Variants in PGAP2 observed in about 807,000 individuals in gnomAD.
PGAP2 encodes the protein post-GPI attachment to proteins 2, also known as acyltransferase PGAP2.
A neutral mutation model predicts 33.2 loss-of-function variants in PGAP2; 21 were observed. That is an observed-to-expected ratio of 0.63 (90% confidence interval 0.45 to 0.91). The LOEUF is 0.91. Ranked by LOEUF, PGAP2 falls within the 40% of genes least tolerant of loss-of-function variation. The pLI, the probability that PGAP2 is intolerant of heterozygous loss-of-function variation, is 0.00. For synonymous variants in PGAP2, 161 were observed against 172.9 expected (o/e 0.93, Z 0.54); for missense variants, 345 against 424.0 (o/e 0.81, Z 1.64).
chr11:3,824,113 T>A lies in PGAP2; in HGVS notation c.579T>A (p.Tyr193Ter). ...ACCTCGCGTTGCTAGTGCTCACTTATGTCTCCTCCTCCGAGGACTTCAGTG... is the reference window on the plus strand; with the variant it reads ...ACCTCGCGTTGCTAGTGCTCACTTAAGTCTCCTCCTCCGAGGACTTCAGTG... ...VENLALLVLT[Y>*]VSSSEDFTIH... The change falls in exon 4 of 7, where the codon TAT becomes TAA. Residue 193 changes from tyrosine (Y) to a stop codon, truncating the protein, a stop_gained. Coordinates refer to ENST00000278243, the MANE Select transcript of PGAP2 (RefSeq NM_014489.4). LOFTEE classifies it high-confidence loss of function. 1 of 1,614,172 alleles carries A rather than the reference T, an allele frequency of 6.2e-7. No homozygotes were observed. The highest frequency in any genetic ancestry group is 8.5e-7 in the Non-Finnish European group (1 of 1,180,016).
chr11:3,817,898 T>G, intron 3 of PGAP2: 1 of 464,372 alleles, frequency 2.2e-6, no homozygotes, highest in South Asian at 1.6e-5. Flanking sequence ...GCAAAAAAAT[T>G]AGCTGGGTGC....
upstream of PGAP2, among the ~76,000 whole-genome samples, chr11:3,803,798 T>TATA (rs34013945): frequency 0.012 from 409 of 35,150 alleles, 2 homozygotes; most frequent in African/African-American, 0.019. Context: ...TATATATATA[T>TATA]TTTTTTTTTT....
At chr11:3,799,282 A>C (rs2083108336) in intron 1 of PGAP2, among the ~76,000 whole-genome samples, 1 of 152,216 alleles carries the variant, frequency 6.6e-6, no homozygotes, top group African/African-American at 2.4e-5. Context: ...TCATGCCTGT[A>C]ATCCCAGCAC....
chr11:3,808,407 A>C (rs2084833725), upstream of PGAP2: 2 of 1,547,170 alleles, frequency 1.3e-6, no homozygotes, highest in African/African-American at 1.4e-5. Context: ...TAGTGGGGGC[A>C]GACCCGGGCT....
chr11:3,800,593 C>T (rs898739564), intron 1 of PGAP2, among the ~76,000 whole-genome samples: 3 of 151,848 alleles, frequency 2.0e-5, no homozygotes, highest in East Asian at 1.9e-4. Context: ...GGGCGGATCA[C>T]GAGGTCAGGA....
At chr11:3,800,678 G>A (rs1564966681) in intron 1 of PGAP2, among the ~76,000 whole-genome samples, 1 of 152,030 alleles carries the variant, frequency 6.6e-6, no homozygotes, top group East Asian at 1.9e-4. Flanking sequence ...CGGGCGTGGT[G>A]GCACATACCT....
chr11:3,815,074 A>C (rs181332344), intron 2 of PGAP2, among the ~76,000 whole-genome samples: 1 of 151,544 alleles, frequency 6.6e-6, no homozygotes, highest in East Asian at 2.0e-4. Flanking sequence ...AGTAGCTGAG[A>C]TTACAGGCAT....
At chr11:3,817,824 A>G (rs1377046729) in intron 3 of PGAP2, 9 of 561,362 alleles carry the variant, frequency 1.6e-5, no homozygotes, top group Admixed American at 1.1e-4. Flanking sequence ...AAGCCAGTGG[A>G]TCACTCGAGT....
At chr11:3,813,386 T>TA (rs150883229) in intron 2 of PGAP2, among the ~76,000 whole-genome samples, 28 of 149,760 alleles carry the variant, frequency 1.9e-4, no homozygotes, top group African/African-American at 4.7e-4. Flanking sequence ...CCAGCTTAAT[T>TA]AAAAAAAAAA....
intron 2 of PGAP2, among the ~76,000 whole-genome samples, chr11:3,814,537 G>A (rs149486789): frequency 0.13 from 19,065 of 151,932 alleles, 1,344 homozygotes; most frequent in Middle Eastern, 0.18. Flanking sequence ...GATTAAAGGC[G>A]TGAGCCACCA....
chr11:3,806,467 G>A (rs2084363972), upstream of PGAP2, among the ~76,000 whole-genome samples: 1 of 152,200 alleles, frequency 6.6e-6, no homozygotes, highest in Admixed American at 6.5e-5. Flanking sequence ...GCCCCTCAGA[G>A]TGCGTCTGAG....
At chr11:3,797,782 C>T, upstream of PGAP2, 3 of 1,538,580 alleles carry the variant, frequency 1.9e-6, no homozygotes, top group Non-Finnish European at 1.8e-6. Context: ...CCGCCCCTCG[C>T]CGCCGCGGTT....
intron 3 of PGAP2, among the ~76,000 whole-genome samples, chr11:3,822,586 A>G (rs569003723): frequency 1.6e-4 from 24 of 152,170 alleles, no homozygotes; most frequent in African/African-American, 5.5e-4. Context: ...GTGAGTCATG[A>G]TCATGCTATT....
chr11:3,811,041 C>G lies in PGAP2; in HGVS notation c.-10-209C>G, dbSNP rs1363703130. Reference sequence around the variant, plus strand: ...GCACAGATTTGGTTCATTGTCTTCCCTCTGAAATTGAGGTGGAATGTTGTC... The same window carrying G: ...GCACAGATTTGGTTCATTGTCTTCCGTCTGAAATTGAGGTGGAATGTTGTC... On this transcript the variant is annotated intron_variant, in intron 1 of 6. Coordinates refer to ENST00000278243, the MANE Select transcript of PGAP2 (RefSeq NM_014489.4). This position sits in a 1 kb window ranked among gnomAD's most constrained non-coding sequence, Gnocchi z 4.6. Among the ~76,000 whole-genome samples, 3 of 152,204 alleles carry G rather than the reference C, an allele frequency of 2.0e-5. No individual in the cohort carries two copies. The highest frequency in any genetic ancestry group is 4.4e-5 in the Non-Finnish European group (3 of 68,030).
At chr11:3,805,338 T>G (rs1342221043), upstream of PGAP2, among the ~76,000 whole-genome samples, 1 of 150,526 alleles carries the variant, frequency 6.6e-6, no homozygotes, top group Non-Finnish European at 1.5e-5. Flanking sequence ...CTCAGTTGAC[T>G]GCAACCTCTG....
upstream of PGAP2, chr11:3,797,730 C>T (rs1042711680): frequency 3.2e-6 from 4 of 1,249,186 alleles, no homozygotes; most frequent in East Asian, 2.8e-5. Flanking sequence ...AGAAGGAGTT[C>T]GGGGAGGCAC....
upstream of PGAP2, among the ~76,000 whole-genome samples, chr11:3,805,832 G>A (rs1444338970): frequency 6.6e-6 from 1 of 151,772 alleles, no homozygotes; most frequent in Non-Finnish European, 1.5e-5. Context: ...GACTACAGGT[G>A]CGCGCCATCA....
At chr11:3,817,296 C>T in intron 2 of PGAP2, 57 bp from the exon 3 acceptor site, 1 of 1,439,948 alleles carries the variant, frequency 6.9e-7, no homozygotes, top group Middle Eastern at 2.3e-4. Context: ...AAAGGCCCCA[C>T]TTTCCCAGAC....
At chr11:3,804,651 C>G (rs1251650117), upstream of PGAP2, among the ~76,000 whole-genome samples, 1 of 151,674 alleles carries the variant, frequency 6.6e-6, no homozygotes, top group Admixed American at 6.6e-5. Context: ...TAAATCAACC[C>G]AACAAATATT....
Sources: allele counts gnomAD v4.1 joint callset (sites outside exome capture counted in the v4.1 genomes callset), GRCh38; gene constraint gnomAD v4.1.1; non-coding constraint Gnocchi (gnomAD v3.1); transcripts MANE v1.5; gene names NCBI Gene and HGNC (gene_info 2026-07-23, HGNC 2026-07-21).